The following HDAC9 variants were observed in gnomAD, a reference collection of about 807,000 sequenced individuals.
HDAC9 encodes the protein histone deacetylase 9, also known as MEF-2 interacting transcription repressor (MITR) protein.
Under a neutral mutation model 139.4 loss-of-function variants are expected in HDAC9, and 41 were observed. That is an observed-to-expected ratio of 0.29 (90% confidence interval 0.23 to 0.38). The LOEUF (loss-of-function observed/expected upper bound fraction) is 0.38, where lower values mean the gene tolerates loss of function less well. Ranked by LOEUF, HDAC9 falls within the 10% of genes least tolerant of loss-of-function variation. The pLI, the probability that HDAC9 is intolerant of heterozygous loss-of-function variation, is 1.00. For synonymous variants in HDAC9, 517 were observed against 476.2 expected (o/e 1.09, Z -1.12); for missense variants, 1,147 against 1,297.0 (o/e 0.88, Z 1.78).
At chr7:18,416,515 A>C (rs1317063979) in intron 1 of HDAC9, among the ~76,000 whole-genome samples, 1 of 151,964 alleles carries the variant, frequency 6.6e-6, no homozygotes, top group Non-Finnish European at 1.5e-5. Context: ...AGAATTTGCA[A>C]GTGAAGTCAT....
intron 12 of HDAC9, among the ~76,000 whole-genome samples, chr7:18,682,101 C>T (rs1228329777): frequency 6.6e-6 from 1 of 152,026 alleles, no homozygotes; most frequent in African/African-American, 2.4e-5. Flanking sequence ...ACACAATTCT[C>T]AGAACATAAT....
rs140713934 is a variant in HDAC9 at position 18,379,883 on chromosome 7, G to A, written c.-42+89368G>A. ...ATGCTGCAGATTTCCTAAAGGATCA[G>A]TTAGAACTTCCTGGAACACCCTTGG... On this transcript the variant is annotated intron_variant, in intron 1 of 3. Coordinates refer to the HDAC9 transcript ENST00000413509. Among the ~76,000 whole-genome samples the A allele has an allele frequency of 7.3e-3, 1,110 of 152,262 alleles. 6 individuals are homozygous for A. Among genetic ancestry groups the A allele is most frequent in the Non-Finnish European group, 0.012 (804 of 67,998 alleles).
chr7:18,468,429 G>T (rs935227375), intron 1 of HDAC9, among the ~76,000 whole-genome samples: 1 of 151,880 alleles, frequency 6.6e-6, no homozygotes, highest in Non-Finnish European at 1.5e-5. Context: ...CCATTGGAAG[G>T]TGTAATTTTT....
chr7:18,327,771 T>C (rs2128643683), intron 1 of HDAC9: 1 of 152,128 alleles, frequency 6.6e-6, no homozygotes, highest in South Asian at 2.1e-4. Context: ...AATAATTTTT[T>C]ATTTCCTACT....
chr7:18,766,339 G>A (rs1432084908), intron 15 of HDAC9, among the ~76,000 whole-genome samples: 12 of 152,126 alleles, frequency 7.9e-5, no homozygotes, highest in Admixed American at 1.3e-4. Flanking sequence ...AGTAGATAAC[G>A]TAGAAAATAA....
At chr7:18,455,595 T>C (rs1793271380) in intron 1 of HDAC9, among the ~76,000 whole-genome samples, 1 of 151,834 alleles carries the variant, frequency 6.6e-6, no homozygotes, top group Non-Finnish European at 1.5e-5. Context: ...ATTTAATCAT[T>C]TTCCAAAGGA....
intron 12 of HDAC9, chr7:18,668,274 A>G (rs1795382172): frequency 1.0e-6 from 1 of 960,086 alleles, no homozygotes; most frequent in Non-Finnish European, 1.2e-6. Flanking sequence ...AACACTCCCT[A>G]TCACCAACAT....
chr7:18,643,079 G>A (rs1786233616), intron 8 of HDAC9, among the ~76,000 whole-genome samples: 1 of 151,992 alleles, frequency 6.6e-6, no homozygotes, highest in Admixed American at 6.6e-5. Context: ...CAATAAGCTA[G>A]TTAAAATATT....
intron 1 of HDAC9, among the ~76,000 whole-genome samples, chr7:18,365,584 T>G (rs1275564279): frequency 1.3e-5 from 2 of 152,006 alleles, no homozygotes; most frequent in African/African-American, 4.8e-5. Context: ...GACAAGGGAC[T>G]AACGAGCAGT....
rs1786515125 is a variant in HDAC9, at chr7:18,997,177, T to G, written c.*1115T>G. Reference sequence around the variant, plus strand: ...TTGCATTTTATTAACTGTGAAGCCGTTGAAATGAATATCACTTAAGCAACG... The same window carrying G: ...TTGCATTTTATTAACTGTGAAGCCGGTGAAATGAATATCACTTAAGCAACG... On this transcript the variant is annotated 3_prime_UTR_variant, in exon 26 of 26. Transcript: ENST00000686413. 1 of 152,156 alleles carries G rather than the reference T, an allele frequency of 6.6e-6. No homozygotes were observed. Among genetic ancestry groups the G allele is most frequent in the South Asian group, 2.1e-4 (1 of 4,830 alleles). 9.4% of individuals were successfully genotyped at this position (152,156 alleles called of 1,614,324 possible).
intron 2 of HDAC9, among the ~76,000 whole-genome samples, chr7:18,265,115 C>T (rs937962557): frequency 6.6e-6 from 1 of 152,026 alleles, no homozygotes. Flanking sequence ...ACTTTTATTA[C>T]AAATAGTGGA....
At chr7:18,629,228 TC>T (rs1781563137) in intron 6 of HDAC9, 121 bp from the exon 7 acceptor site, 1 of 869,358 alleles carries the variant, frequency 1.2e-6, no homozygotes, top group African/African-American at 1.7e-5. Flanking sequence ...CTTGGGTTTT[TC>T]ATTTGAGAAT....
At chr7:18,205,001 A>ATG (rs146219686) in intron 2 of HDAC9, among the ~76,000 whole-genome samples, 12 of 151,794 alleles carry the variant, frequency 7.9e-5, no homozygotes, top group African/African-American at 1.9e-4. Flanking sequence ...ACTAATTTAT[A>ATG]TGTGTGTGTG....
chr7:18,746,120 C>T (rs1444365410), intron 13 of HDAC9, among the ~76,000 whole-genome samples: 1 of 151,966 alleles, frequency 6.6e-6, no homozygotes, highest in East Asian at 1.9e-4. Flanking sequence ...ATCCTCCTGC[C>T]TCAGCCTCCC....
Position 18,300,976 on chromosome 7 carries a change from T to C in HDAC9, c.-42+10461T>C, listed in dbSNP as rs561534431. Among the ~76,000 whole-genome samples the C allele has an allele frequency of 2.6e-5, 4 of 152,164 alleles. No individual in the cohort carries two copies. The East Asian group carries it at 5.8e-4, about 22-fold the overall frequency. On this transcript the variant is annotated intron_variant, in intron 1 of 3. Coordinates refer to the HDAC9 transcript ENST00000413509. ...ATGAATCATGCTGAGAAAACTCCTG[T>C]CAAATAAAGAATTATTAAGTTGAGT...
At chr7:18,712,545 G>T (rs1029546544) in intron 12 of HDAC9, among the ~76,000 whole-genome samples, 1 of 152,168 alleles carries the variant, frequency 6.6e-6, no homozygotes, top group South Asian at 2.1e-4. Flanking sequence ...ATCTAAGAAT[G>T]ATGAGAACTG....
chr7:18,968,526 G>C (rs949218322), intron 24 of HDAC9, among the ~76,000 whole-genome samples: 8 of 152,060 alleles, frequency 5.3e-5, no homozygotes, highest in African/African-American at 1.9e-4. Flanking sequence ...TTGGCCTGCA[G>C]GCAATGAAGA....
Position 18,697,815 on chromosome 7 carries a change from T to C in HDAC9, c.1732-29765T>C, listed in dbSNP as rs1783164467. On this transcript the variant is annotated intron_variant, in intron 12 of 25. Transcript: ENST00000686413. ...AAACAGTAGATTTTTTTTTTTGTTA[T>C]GCTCATGACTGCCAAGATTTTTATT... is the stretch of plus-strand genomic sequence containing the variant. Among the ~76,000 whole-genome samples, 4 of 152,188 alleles carry C rather than the reference T, an allele frequency of 2.6e-5. No individual in the cohort carries two copies. In the South Asian group the frequency reaches 8.3e-4, roughly 32 times the overall value.
intron 13 of HDAC9, among the ~76,000 whole-genome samples, chr7:18,742,026 G>A (rs1263695450): frequency 6.6e-6 from 1 of 152,208 alleles, no homozygotes; most frequent in Non-Finnish European, 1.5e-5. Flanking sequence ...TTGGGATGGA[G>A]TGTACTCCTG....
Sources: gnomAD v4.1 joint callset for allele counts (sites outside exome capture counted in the v4.1 genomes callset) on GRCh38, gnomAD v4.1.1 for gene constraint, MANE v1.5 for transcripts, NCBI Gene and HGNC (gene_info 2026-07-23, HGNC 2026-07-21) for gene names.